GRIN2B: variants seen among roughly 807,000 people sequenced by gnomAD.
The protein encoded by GRIN2B is glutamate receptor ionotropic, NMDA 2B.
A neutral mutation model predicts 114.5 loss-of-function variants in GRIN2B; 5 were observed. That is an observed-to-expected ratio of 0.04 (90% CI 0.02 to 0.09). The LOEUF is 0.09. GRIN2B is among the 10% of genes least tolerant of loss of function. The pLI is 1.00. For missense variants in GRIN2B, 1,108 were observed against 1,943.5 expected, an observed-to-expected ratio of 0.57 and a Z score of 8.08; for synonymous variants, 787 against 745.1, an observed-to-expected ratio of 1.06 and a Z score of -0.92.
chr12:13,858,006 T>A (rs781756555), intron 3 of GRIN2B, among the ~76,000 whole-genome samples: 4 of 152,190 alleles, frequency 2.6e-5, no homozygotes, highest in Non-Finnish European at 5.9e-5. Context: ...CAGCAGCCTC[T>A]GTCTCTAGAC....
chr12:13,776,459 T>C (rs1864005839), intron 3 of GRIN2B, among the ~76,000 whole-genome samples: 1 of 152,212 alleles, frequency 6.6e-6, no homozygotes, highest in Admixed American at 6.5e-5. Flanking sequence ...TTTTATAAAT[T>C]GGGAAATTCT....
At chr12:13,797,859 G>T (rs1263164287) in intron 3 of GRIN2B, among the ~76,000 whole-genome samples, 1 of 152,202 alleles carries the variant, frequency 6.6e-6, no homozygotes, top group African/African-American at 2.4e-5. Context: ...AAGCCCTTCT[G>T]TGATCCTTTC....
At position 13,960,392 on chromosome 12, in the gene GRIN2B, T is replaced by G. The variant is rs143812425; in HGVS notation, c.-19+19536A>C. Among the ~76,000 whole-genome samples, 306 of 152,298 alleles carry G rather than the reference T, an allele frequency of 2.0e-3. 1 individual carries two copies. Among genetic ancestry groups the G allele is most frequent in the African/African-American group, 7.0e-3 (292 of 41,554 alleles). ...AGGAGTGATGTAATTTTTCAAAGTTTCCACCACTAAAACGTGGCAGCTTCA... is the reference window on the plus strand; with the variant it reads ...AGGAGTGATGTAATTTTTCAAAGTTGCCACCACTAAAACGTGGCAGCTTCA... On this transcript the variant is annotated intron_variant, in intron 2 of 13. Transcript: ENST00000609686.
At chr12:13,793,923 C>T (rs567777812) in intron 3 of GRIN2B, among the ~76,000 whole-genome samples, 3 of 150,862 alleles carry the variant, frequency 2.0e-5, no homozygotes, top group South Asian at 2.1e-4. Flanking sequence ...TAAAAAGGGC[C>T]TAGTGCAGTG....
intron 3 of GRIN2B, among the ~76,000 whole-genome samples, chr12:13,778,432 C>T (rs1565533880): frequency 6.6e-6 from 1 of 152,124 alleles, no homozygotes; most frequent in Non-Finnish European, 1.5e-5. Context: ...AGCACGGCAC[C>T]TTTAACAGCC....
chr12:13,663,875 A>G (rs1591664911), intron 5 of GRIN2B, among the ~76,000 whole-genome samples: 1 of 152,308 alleles, frequency 6.6e-6, no homozygotes, highest in East Asian at 1.9e-4. Flanking sequence ...TTCAAGTAAA[A>G]TGATAGTGAA....
In GRIN2B at chr12:13,546,907, T is replaced by G. The variant is rs1322809351; in HGVS notation, c.*15876A>C. 1 of 152,060 alleles carries G rather than the reference T, an allele frequency of 6.6e-6. No homozygotes were observed. Among genetic ancestry groups the G allele is most frequent in the Non-Finnish European group, 1.5e-5 (1 of 68,006 alleles). The allele number at this position is 152,060 out of a possible 1,614,324, so 9.4% of individuals were successfully genotyped here. A position where few individuals can be genotyped will look rare whatever the true frequency, so the allele number is the denominator to read the frequency against. ...GAGCACCAGGACACATGCTCAGAGG[T>G]GGCTTAATATTCCAGAGCACATCCC... On this transcript the variant is annotated 3_prime_UTR_variant, in exon 14 of 14. Coordinates refer to ENST00000609686, the MANE Select transcript of GRIN2B (RefSeq NM_000834.5).
chr12:13,962,884 T>C (rs1429776894), intron 2 of GRIN2B, among the ~76,000 whole-genome samples: 1 of 152,214 alleles, frequency 6.6e-6, no homozygotes. Flanking sequence ...GGAAGGGTGA[T>C]AGGCACTGTC....
chr12:13,944,239 T>G (rs956945130), intron 2 of GRIN2B, among the ~76,000 whole-genome samples: 13 of 152,324 alleles, frequency 8.5e-5, no homozygotes, highest in African/African-American at 3.1e-4. Flanking sequence ...CCTAAAACCC[T>G]TCTTTAACCA....
intron 10 of GRIN2B, among the ~76,000 whole-genome samples, chr12:13,593,406 C>T (rs955663803): frequency 3.3e-5 from 5 of 152,178 alleles, no homozygotes; most frequent in African/African-American, 1.2e-4. Context: ...CTACAACCAT[C>T]TGATATTTGA....
intron 2 of GRIN2B, among the ~76,000 whole-genome samples, chr12:13,898,936 T>C (rs1029017873): frequency 9.2e-5 from 14 of 152,128 alleles, no homozygotes; most frequent in African/African-American, 3.4e-4. Flanking sequence ...CAACAACTAT[T>C]ACTACTACCA....
chr12:13,734,753 A>G (rs1044721226), intron 4 of GRIN2B, among the ~76,000 whole-genome samples: 5 of 152,200 alleles, frequency 3.3e-5, no homozygotes, highest in African/African-American at 1.2e-4. Flanking sequence ...GGGAGCACAA[A>G]GAGAGGAATG....
intron 4 of GRIN2B, among the ~76,000 whole-genome samples, chr12:13,741,396 C>G (rs1863284605): frequency 6.6e-6 from 1 of 152,196 alleles, no homozygotes; most frequent in Admixed American, 6.5e-5. Context: ...ACATGTGAGT[C>G]ATTCCTAATT....
chr12:13,657,401 A>C (rs1029379785), intron 5 of GRIN2B, among the ~76,000 whole-genome samples: 13 of 152,222 alleles, frequency 8.5e-5, no homozygotes, highest in Non-Finnish European at 1.5e-4. Flanking sequence ...TTTAAGAGAA[A>C]GCACCAGGAG....
chr12:13,826,429 C>T (rs575633204), intron 3 of GRIN2B, among the ~76,000 whole-genome samples: 1 of 152,250 alleles, frequency 6.6e-6, no homozygotes, highest in South Asian at 2.1e-4. Flanking sequence ...CGAGATCATG[C>T]TATTGCACTC....
intron 10 of GRIN2B, among the ~76,000 whole-genome samples, chr12:13,603,637 C>A (rs1591634407): frequency 6.6e-6 from 1 of 151,580 alleles, no homozygotes; most frequent in African/African-American, 2.4e-5. Context: ...CAATGATAAT[C>A]ATTATTAGTA....
intron 2 of GRIN2B, among the ~76,000 whole-genome samples, chr12:13,876,115 C>T (rs1315931511): frequency 1.3e-5 from 2 of 152,122 alleles, no homozygotes; most frequent in Non-Finnish European, 2.9e-5. Context: ...AATAAAATAT[C>T]ATTTAGAAGA....
At chr12:13,771,635 G>A (rs1387932785) in intron 3 of GRIN2B, among the ~76,000 whole-genome samples, 1 of 152,206 alleles carries the variant, frequency 6.6e-6, no homozygotes, top group African/African-American at 2.4e-5. Flanking sequence ...ACTGTAAAGA[G>A]GATTAAATGA....
intron 11 of GRIN2B, among the ~76,000 whole-genome samples, chr12:13,571,064 C>A (rs983331632): frequency 1.3e-5 from 2 of 152,118 alleles, no homozygotes; most frequent in Non-Finnish European, 2.9e-5. Context: ...TTTAAGTAAC[C>A]ATTTATCTAG....
Sources: allele counts gnomAD v4.1 joint callset (sites outside exome capture counted in the v4.1 genomes callset), GRCh38; gene constraint gnomAD v4.1.1; transcripts MANE v1.5; gene names NCBI Gene and HGNC (gene_info 2026-07-23, HGNC 2026-07-21).